Variants in ANAPC1 observed in about 807,000 individuals in gnomAD.
The protein encoded by ANAPC1 is anaphase promoting complex subunit 1.
ANAPC1 carries 36 observed loss-of-function variants against 208.0 expected under a neutral mutation model. The ratio of observed to expected loss-of-function variants is 0.17; its 90% CI spans 0.13 to 0.23. The LOEUF (loss-of-function observed/expected upper bound fraction) is 0.23. ANAPC1 is among the 10% of genes least tolerant of loss of function. ANAPC1 has a pLI of 1.00. For synonymous variants in ANAPC1, 378 were observed against 695.2 expected, an observed-to-expected ratio of 0.54 and a Z score of 7.18; for missense variants, 942 against 2,011.6, an observed-to-expected ratio of 0.47 and a Z score of 10.17.
intron 3 of ANAPC1, among the ~76,000 whole-genome samples, chr2:111,877,514 C>A (rs1029280988): frequency 2.0e-5 from 3 of 152,310 alleles, no homozygotes; most frequent in East Asian, 3.9e-4. Context: ...TGATGGCTCA[C>A]GCCTGTAATC....
chr2:111,865,483 C>T (rs1288100395), intron 7 of ANAPC1, among the ~76,000 whole-genome samples: 1 of 151,882 alleles, frequency 6.6e-6, no homozygotes, highest in Non-Finnish European at 1.5e-5. Flanking sequence ...TCTCCATATC[C>T]TTATTTGACA....
At chr2:111,879,298 A>G (rs943241579) in intron 2 of ANAPC1, among the ~76,000 whole-genome samples, 9 of 152,352 alleles carry the variant, frequency 5.9e-5, no homozygotes, top group Admixed American at 4.6e-4. Flanking sequence ...CATATTAAGT[A>G]TATGAGGTAG....
intron 20 of ANAPC1, among the ~76,000 whole-genome samples, chr2:111,832,170 G>C: frequency 6.6e-6 from 1 of 151,722 alleles, no homozygotes; most frequent in Non-Finnish European, 1.5e-5. Context: ...GCACACACCT[G>C]TAACCCCAGG....
intron 16 of ANAPC1, among the ~76,000 whole-genome samples, chr2:111,844,640 C>T (rs1680954555): frequency 6.6e-6 from 1 of 151,068 alleles, no homozygotes; most frequent in Non-Finnish European, 1.5e-5. Context: ...AAAATACTGC[C>T]TACATACTTC....
intron 40 of ANAPC1, 109 bp from the exon 41 acceptor site, chr2:111,784,509 G>C (rs1473317680): frequency 2.8e-6 from 4 of 1,425,694 alleles, no homozygotes; most frequent in African/African-American, 1.4e-5. Flanking sequence ...TTCATACAGA[G>C]ACCTTTAAAT....
At chr2:111,853,862 A>G (rs1573467525) in intron 13 of ANAPC1, among the ~76,000 whole-genome samples, 2 of 151,826 alleles carry the variant, frequency 1.3e-5, no homozygotes, top group Admixed American at 1.3e-4. Flanking sequence ...AACTACAGGC[A>G]CCCGCCACCA....
At chr2:111,785,780 A>C (rs1677514390) in intron 39 of ANAPC1, among the ~76,000 whole-genome samples, 1 of 151,714 alleles carries the variant, frequency 6.6e-6, no homozygotes, top group African/African-American at 2.4e-5. Context: ...ACCACTTATA[A>C]AATCAATCAC....
chr2:111,794,493 G>A lies in ANAPC1; in HGVS notation c.4374-170C>T, dbSNP rs572884051. 1.7e-4 allele frequency among the ~76,000 whole-genome samples: 26 copies of A among 151,862 alleles called. 1 individual carries two copies. Among genetic ancestry groups the A allele is most frequent in the African/African-American group, 4.3e-4 (18 of 41,388 alleles). On this transcript the variant is annotated intron_variant, in intron 35 of 47. Transcript: ENST00000341068. ...GTATTTTTTTTTCAGCAGAAGCATC[G>A]GGTCACCTTACTCATGAAGTTTGCC...
intron 11 of ANAPC1, among the ~76,000 whole-genome samples, 166 bp downstream of exon 11, chr2:111,858,140 A>G (rs962188267): frequency 6.6e-6 from 1 of 152,092 alleles, no homozygotes; most frequent in Non-Finnish European, 1.5e-5. Flanking sequence ...TAACACTGTA[A>G]TTTACTAAAA....
At chr2:111,872,532 G>GA in intron 6 of ANAPC1, 98 bp downstream of exon 6, 1 of 1,030,270 alleles carries the variant, frequency 9.7e-7, no homozygotes, top group South Asian at 1.4e-5. Context: ...CTGTCAACAT[G>GA]AAAATTATCA....
chr2:111,849,468 C>T (rs1294700751), intron 14 of ANAPC1, among the ~76,000 whole-genome samples: 1 of 152,180 alleles, frequency 6.6e-6, no homozygotes, highest in Non-Finnish European at 1.5e-5. Flanking sequence ...AAGACACAGA[C>T]ATTATCAAAT....
Position 111,825,024 on chromosome 2 carries a change from C to T in ANAPC1, c.2754G>A (p.Arg918=). The T allele has an allele frequency of 6.2e-7, 1 of 1,613,834 alleles. No homozygotes were observed. The highest frequency in any genetic ancestry group is 8.5e-7 in the Non-Finnish European group (1 of 1,179,856). Residue 918 remains arginine (R), a synonymous_variant, in exon 24 of 48, where the codon AGG becomes AGA. Coordinates refer to ENST00000341068, the MANE Select transcript of ANAPC1 (RefSeq NM_022662.4). Reference sequence around the variant, plus strand: ...CTAGACTAGAAACAGATGTAGAATGCCTGAAACTAAACCTATAAGAGAATA... The same window carrying T: ...CTAGACTAGAAACAGATGTAGAATGTCTGAAACTAAACCTATAAGAGAATA... ...VEQEENRFSF[R]HSTSVSSLAE...
intron 38 of ANAPC1, 53 bp from the exon 39 acceptor site, chr2:111,788,373 T>C (rs1677683933): frequency 6.3e-7 from 1 of 1,596,918 alleles, no homozygotes; most frequent in African/African-American, 1.3e-5. Flanking sequence ...TGCACATACT[T>C]TCAAGGCATT....
intron 17 of ANAPC1, among the ~76,000 whole-genome samples, chr2:111,839,287 T>C (rs749569640): frequency 1.6e-4 from 24 of 152,370 alleles, no homozygotes; most frequent in Admixed American, 2.6e-4. Flanking sequence ...GACATTTTTA[T>C]TGTGTTTGAG....
chr2:111,776,747 T>G, intron 46 of ANAPC1, 112 bp downstream of exon 46: 1 of 202,114 alleles, frequency 4.9e-6, no homozygotes, highest in Non-Finnish European at 8.7e-6. Context: ...CCATTCTTGC[T>G]TATACTCAGA....
intron 33 of ANAPC1, 108 bp downstream of exon 33, chr2:111,802,320 T>C: frequency 1.1e-6 from 1 of 871,904 alleles, no homozygotes; most frequent in Non-Finnish European, 1.9e-6. Context: ...GCCTCAACCT[T>C]CTGAAGTGCT....
chr2:111,782,484 A>G lies in ANAPC1; in HGVS notation c.5087T>C (p.Val1696Ala). 1 of 1,613,652 alleles carries G rather than the reference A, an allele frequency of 6.2e-7. No homozygotes were observed. The highest frequency in any genetic ancestry group is 8.5e-7 in the Non-Finnish European group (1 of 1,179,718). Residue 1696 changes from valine to alanine, a missense_variant, in exon 43 of 48, where the codon GTT (valine) becomes GCT (alanine). By Grantham distance (64) the Val-to-Ala change is moderately conservative (BLOSUM62 0). Transcript: ENST00000341068. Reference sequence around the variant, plus strand: ...ACCCGCCCGGAGTTTAACATATAAAACCCCATCCTTGGAAAGGATGGACCT... The same window carrying G: ...ACCCGCCCGGAGTTTAACATATAAAGCCCCATCCTTGGAAAGGATGGACCT... Reference protein sequence around the residue: ...HLKSILSKDGVLYVKLRAGQL... With the variant: ...HLKSILSKDGALYVKLRAGQL...
chr2:111,791,724 T>C (rs1449699121), intron 38 of ANAPC1, among the ~76,000 whole-genome samples: 2 of 152,138 alleles, frequency 1.3e-5, no homozygotes, highest in African/African-American at 2.4e-5. Context: ...GAAGACCAGA[T>C]AGGGCTATCT....
At chr2:111,861,134 A>G (rs3863961) in intron 10 of ANAPC1, among the ~76,000 whole-genome samples, 1 of 152,114 alleles carries the variant, frequency 6.6e-6, no homozygotes, top group East Asian at 1.9e-4. Flanking sequence ...GGAGTGCAGT[A>G]GTGTGCTCTT....
Sources: gnomAD v4.1 joint callset for allele counts (sites outside exome capture counted in the v4.1 genomes callset) on GRCh38, gnomAD v4.1.1 for gene constraint, MANE v1.5 for transcripts, NCBI Gene and HGNC (gene_info 2026-07-23, HGNC 2026-07-21) for gene names.